The following CADPS2 variants were observed in gnomAD, a reference collection of about 807,000 sequenced individuals.
CADPS2 encodes calcium dependent secretion activator 2.
CADPS2 carries 93 observed loss-of-function variants against 172.5 expected under a neutral mutation model. The ratio of observed to expected loss-of-function variants is 0.54; its 90% CI spans 0.46 to 0.64. The LOEUF (loss-of-function observed/expected upper bound fraction) is 0.64. Among genes scored for constraint, CADPS2 ranks in the 30% least tolerant of loss-of-function variants. The probability of loss-of-function intolerance (pLI) is 0.00; values close to 1 mark genes in which losing one functional copy is unlikely to be tolerated. For synonymous variants in CADPS2, 546 were observed against 555.2 expected (o/e 0.98, Z 0.23); for missense variants, 1,420 against 1,565.9 (o/e 0.91, Z 1.57).
intron 9 of CADPS2, among the ~76,000 whole-genome samples, chr7:122,512,679 A>G (rs948986658): frequency 1.3e-5 from 2 of 152,120 alleles, no homozygotes; most frequent in Non-Finnish European, 1.5e-5. Flanking sequence ...AAATGGCAGC[A>G]TATTTGCATT....
At chr7:122,367,081 G>A (rs17365759) in intron 25 of CADPS2, among the ~76,000 whole-genome samples, 17,123 of 152,038 alleles carry the variant, frequency 0.11, 1,220 homozygotes, top group Non-Finnish European at 0.15. Context: ...TTCCTTTTGG[G>A]CACATACTTG....
At chr7:122,492,198 AAATT>A (rs1180227164) in intron 9 of CADPS2, among the ~76,000 whole-genome samples, 105 of 151,960 alleles carry the variant, frequency 6.9e-4, no homozygotes, top group South Asian at 1.0e-3. Context: ...ATAAATAAAT[AAATT>A]AATTAATTAA....
At chr7:122,496,804 G>C (rs534044606) in intron 9 of CADPS2, among the ~76,000 whole-genome samples, 1 of 152,128 alleles carries the variant, frequency 6.6e-6, no homozygotes, top group Non-Finnish European at 1.5e-5. Flanking sequence ...TGCATGTCTT[G>C]TAATTATTAT....
chr7:122,562,896 G>T (rs2065942761), intron 7 of CADPS2, among the ~76,000 whole-genome samples: 1 of 151,972 alleles, frequency 6.6e-6, no homozygotes, highest in South Asian at 2.1e-4. Context: ...TTTTTTAAAG[G>T]TTTAACAATG....
chr7:122,816,973 T>C (rs10250375), intron 1 of CADPS2, among the ~76,000 whole-genome samples: 28,457 of 150,198 alleles, frequency 0.19, 3,293 homozygotes, highest in African/African-American at 0.31. Context: ...CTGAACACCT[T>C]GCGACCCCCA....
intron 1 of CADPS2, among the ~76,000 whole-genome samples, chr7:122,845,426 G>A (rs1811734419): frequency 6.6e-6 from 1 of 152,204 alleles, no homozygotes. Context: ...AGAGTTGGAT[G>A]CTCTCAGGAA....
Position 122,710,624 on chromosome 7 carries a change from C to G in CADPS2, c.453+26331G>C, listed in dbSNP as rs544194971. 1.7e-3 allele frequency among the ~76,000 whole-genome samples: 257 copies of G among 150,924 alleles called. 1 individual carries two copies. The highest frequency in any genetic ancestry group is 5.8e-3 in the African/African-American group (240 of 41,136). On this transcript the variant is annotated intron_variant, in intron 2 of 29. Transcript: ENST00000449022. ...GCTTGGTAGGTATTCAATAAATGGG[C>G]CTTCCTTCCTCTTCTCAATCCTGAA...
chr7:122,643,321 A>G (rs35127684), intron 3 of CADPS2, among the ~76,000 whole-genome samples: 5,475 of 152,292 alleles, frequency 0.036, 187 homozygotes, highest in Non-Finnish European at 0.049. Context: ...AAAATTATTT[A>G]CAATAAAGAT....
chr7:122,471,334 C>G (rs1240628866), intron 14 of CADPS2, 41 bp downstream of exon 14: 2 of 1,421,352 alleles, frequency 1.4e-6, no homozygotes, highest in East Asian at 5.7e-5. Flanking sequence ...TTTCCATAGT[C>G]AACCCCATAC....
intron 1 of CADPS2, among the ~76,000 whole-genome samples, chr7:122,806,318 A>G (rs1452826165): frequency 6.6e-6 from 1 of 152,210 alleles, no homozygotes; most frequent in Non-Finnish European, 1.5e-5. Flanking sequence ...AGAACTGGTA[A>G]TAATCATAAT....
At chr7:122,371,430 G>T (rs1284292039) in intron 25 of CADPS2, among the ~76,000 whole-genome samples, 5 of 152,254 alleles carry the variant, frequency 3.3e-5, no homozygotes, top group Non-Finnish European at 7.4e-5. Flanking sequence ...GTGCAAGCAG[G>T]GGAAATGCCA....
At chr7:122,577,723 C>CA (rs1251882587) in intron 7 of CADPS2, among the ~76,000 whole-genome samples, 1 of 152,058 alleles carries the variant, frequency 6.6e-6, no homozygotes, top group Non-Finnish European at 1.5e-5. Context: ...TAACTTTATA[C>CA]AAAAAACTGG....
chr7:122,737,373 G>A (rs1001031658), intron 1 of CADPS2, among the ~76,000 whole-genome samples: 1 of 152,074 alleles, frequency 6.6e-6, no homozygotes, highest in Non-Finnish European at 1.5e-5. Flanking sequence ...TATGGTGCCT[G>A]CCATCACGCC....
At chr7:122,745,248 T>G (rs1472634080) in intron 1 of CADPS2, among the ~76,000 whole-genome samples, 2 of 151,928 alleles carry the variant, frequency 1.3e-5, no homozygotes, top group African/African-American at 2.4e-5. Flanking sequence ...CCCAGAACAT[T>G]TTCATCCCAC....
At chr7:122,867,504 C>A (rs1483674009) in intron 1 of CADPS2, among the ~76,000 whole-genome samples, 2 of 152,160 alleles carry the variant, frequency 1.3e-5, no homozygotes, top group African/African-American at 4.8e-5. Flanking sequence ...TAGTCTTGTA[C>A]AACATATACC....
At chr7:122,724,020 G>A (rs1382419081) in intron 2 of CADPS2, among the ~76,000 whole-genome samples, 2 of 143,534 alleles carry the variant, frequency 1.4e-5, no homozygotes, top group Admixed American at 7.1e-5. Flanking sequence ...ACACACTGGG[G>A]CCTGTTGTGG....
At chr7:122,540,688 A>G (rs952550306) in intron 8 of CADPS2, among the ~76,000 whole-genome samples, 11 of 152,150 alleles carry the variant, frequency 7.2e-5, no homozygotes, top group Non-Finnish European at 1.2e-4. Context: ...CATGGGAAAC[A>G]TTAAAGACAA....
intron 7 of CADPS2, among the ~76,000 whole-genome samples, chr7:122,578,947 T>G (rs1414716937): frequency 6.6e-6 from 1 of 152,042 alleles, no homozygotes; most frequent in African/African-American, 2.4e-5. Context: ...ACAAGGGAGA[T>G]GTCTAGGTCA....
At chr7:122,714,834 T>G (rs6951562) in intron 2 of CADPS2, among the ~76,000 whole-genome samples, 1 of 152,162 alleles carries the variant, frequency 6.6e-6, no homozygotes, top group Non-Finnish European at 1.5e-5. Flanking sequence ...TAACATTTGG[T>G]GTTTAGCACT....
Sources: gnomAD v4.1 joint callset for allele counts (sites outside exome capture counted in the v4.1 genomes callset) on GRCh38, gnomAD v4.1.1 for gene constraint, MANE v1.5 for transcripts, NCBI Gene and HGNC (gene_info 2026-07-23, HGNC 2026-07-21) for gene names.